The following ELOVL5 variants were observed in gnomAD, a reference collection of about 807,000 sequenced individuals.
ELOVL5 encodes very long chain fatty acid elongase 5.
ELOVL5 carries 8 observed loss-of-function variants against 38.6 expected under a neutral mutation model. That is an observed-to-expected ratio of 0.21 (90% CI 0.12 to 0.37). ELOVL5 has a LOEUF of 0.37. Ranked by LOEUF, ELOVL5 falls within the 10% of genes least tolerant of loss-of-function variation. ELOVL5 has a pLI of 1.00. For synonymous variants in ELOVL5, 127 were observed against 133.7 expected (o/e 0.95, Z 0.34); for missense variants, 280 against 367.8 (o/e 0.76, Z 1.95).
At chr6:53,273,379 A>G (rs375225489) in intron 5 of ELOVL5, 35 bp from the exon 6 acceptor site, 6 of 1,601,818 alleles carry the variant, frequency 3.7e-6, no homozygotes, top group African/African-American at 1.4e-5. Context: ...AGGAGAATGT[A>G]TTAGTGTTTT....
intron 3 of ELOVL5, among the ~76,000 whole-genome samples, chr6:53,285,326 A>T (rs1039159391): frequency 6.6e-6 from 1 of 152,258 alleles, no homozygotes; most frequent in African/African-American, 2.4e-5. Context: ...CATTCCCTTA[A>T]GCCAAAATCT....
At chr6:53,295,250 T>C (rs1276840000) in intron 2 of ELOVL5, among the ~76,000 whole-genome samples, 1 of 152,152 alleles carries the variant, frequency 6.6e-6, no homozygotes. Context: ...GTTAACATGA[T>C]ACAAAATGAG....
intron 1 of ELOVL5, among the ~76,000 whole-genome samples, chr6:53,300,358 C>G (rs1302127242): frequency 6.6e-6 from 1 of 152,074 alleles, no homozygotes; most frequent in Non-Finnish European, 1.5e-5. Context: ...ACATGCTAGG[C>G]ACGGAGACCT....
At chr6:53,339,256 G>A (rs1227317638) in intron 1 of ELOVL5, among the ~76,000 whole-genome samples, 1 of 152,118 alleles carries the variant, frequency 6.6e-6, no homozygotes, top group Admixed American at 6.5e-5. Flanking sequence ...GATTCCATGT[G>A]AATATATAAG....
chr6:53,336,285 C>A (rs1176792525), intron 1 of ELOVL5, among the ~76,000 whole-genome samples: 1 of 152,176 alleles, frequency 6.6e-6, no homozygotes, highest in Non-Finnish European at 1.5e-5. Flanking sequence ...CAAGTGGCTA[C>A]TGAGGCAGAT....
At chr6:53,341,767 C>T (rs952311618) in intron 1 of ELOVL5, among the ~76,000 whole-genome samples, 1 of 152,188 alleles carries the variant, frequency 6.6e-6, no homozygotes, top group South Asian at 2.1e-4. Context: ...CTATTAGAAA[C>T]AATGCTTCAA....
chr6:53,306,893 G>GGA (rs1468211700), intron 1 of ELOVL5, among the ~76,000 whole-genome samples: 1 of 152,244 alleles, frequency 6.6e-6, no homozygotes, highest in Non-Finnish European at 1.5e-5. Flanking sequence ...AGGCCAGATT[G>GGA]CTGCAGTTGG....
intron 1 of ELOVL5, among the ~76,000 whole-genome samples, chr6:53,332,987 G>C (rs2894809): frequency 0.34 from 51,968 of 152,110 alleles, 9,506 homozygotes; most frequent in African/African-American, 0.48. Flanking sequence ...CAGCAAGGGG[G>C]AGAGGGGAGA....
At chr6:53,280,201 C>A (rs941761492) in intron 3 of ELOVL5, among the ~76,000 whole-genome samples, 2 of 152,134 alleles carry the variant, frequency 1.3e-5, no homozygotes, top group African/African-American at 4.8e-5. Flanking sequence ...GTCTGTCTAC[C>A]TTGGGCTTCT....
At position 53,282,244 on chromosome 6, in the gene ELOVL5, A is replaced by G. The variant is rs115096131; in HGVS notation, c.247-5988T>C. 4.4e-3 allele frequency among the ~76,000 whole-genome samples: 665 copies of G among 152,354 alleles called. 8 individuals are homozygous for G. The highest frequency in any genetic ancestry group is 0.015 in the African/African-American group (642 of 41,582). On this transcript the variant is annotated intron_variant, in intron 3 of 7. Coordinates refer to ENST00000304434, the MANE Select transcript of ELOVL5 (RefSeq NM_021814.5). ...AGCCAAAGTATAATTTGTGTCATTTAAAGGAAGGTCTCCAGCCTACCCACT... is the reference window on the plus strand; with the variant it reads ...AGCCAAAGTATAATTTGTGTCATTTGAAGGAAGGTCTCCAGCCTACCCACT...
intron 1 of ELOVL5, among the ~76,000 whole-genome samples, chr6:53,320,575 G>A (rs953489873): frequency 1.3e-4 from 19 of 151,732 alleles, no homozygotes; most frequent in Non-Finnish European, 2.4e-4. Flanking sequence ...CACCCACCTC[G>A]GCCTCCCAAA....
intron 1 of ELOVL5, among the ~76,000 whole-genome samples, chr6:53,338,306 A>T (rs371523669): frequency 2.6e-5 from 4 of 152,350 alleles, no homozygotes; most frequent in East Asian, 3.9e-4. Context: ...TGTCACATCC[A>T]ACTTCCCTTG....
chr6:53,306,565 G>A (rs2127581088), intron 1 of ELOVL5, among the ~76,000 whole-genome samples: 1 of 152,140 alleles, frequency 6.6e-6, no homozygotes, highest in Non-Finnish European at 1.5e-5. Context: ...CATGATTTTA[G>A]AACTTTATTC....
At chr6:53,280,657 A>G (rs1293969740) in intron 3 of ELOVL5, among the ~76,000 whole-genome samples, 14 of 152,190 alleles carry the variant, frequency 9.2e-5, no homozygotes. Flanking sequence ...CAGTGGCACA[A>G]TCTCAGCTCA....
chr6:53,269,294 G>A, intron 7 of ELOVL5, 24 bp from the exon 8 acceptor site: 1 of 1,524,698 alleles, frequency 6.6e-7, no homozygotes, highest in South Asian at 1.2e-5. Flanking sequence ...GGGCAGATGA[G>A]AACCAAATGA....
chr6:53,273,789 C>T (rs1766011432), intron 5 of ELOVL5, among the ~76,000 whole-genome samples: 1 of 152,148 alleles, frequency 6.6e-6, no homozygotes. Context: ...GTCTCTGAAG[C>T]CATCTTCTAA....
chr6:53,283,675 T>C (rs528743213), intron 3 of ELOVL5, among the ~76,000 whole-genome samples: 1 of 151,680 alleles, frequency 6.6e-6, no homozygotes, highest in South Asian at 2.1e-4. Flanking sequence ...ATGAAGGAAG[T>C]AGGAGTGAAT....
intron 1 of ELOVL5, among the ~76,000 whole-genome samples, chr6:53,348,218 C>T (rs1769657091): frequency 1.3e-5 from 2 of 152,320 alleles, no homozygotes; most frequent in South Asian, 2.1e-4. Flanking sequence ...TAGCAGGCTT[C>T]CCTCCGAGGG....
chr6:53,306,536 G>A (rs1192373276), intron 1 of ELOVL5, among the ~76,000 whole-genome samples: 3 of 152,038 alleles, frequency 2.0e-5, no homozygotes, highest in Non-Finnish European at 4.4e-5. Context: ...TTTTTCAGCA[G>A]TTGGTAGCGG....
Sources: allele counts gnomAD v4.1 joint callset (sites outside exome capture counted in the v4.1 genomes callset), GRCh38; gene constraint gnomAD v4.1.1; transcripts MANE v1.5; gene names NCBI Gene and HGNC (gene_info 2026-07-23, HGNC 2026-07-21).